The following CDH26 variants were observed in gnomAD, a reference collection of about 807,000 sequenced individuals.
CDH26 encodes the protein cadherin-like protein 26.
A neutral mutation model predicts 90.3 loss-of-function variants in CDH26; 83 were observed. That is an observed-to-expected ratio of 0.92 (90% CI 0.77 to 1.10). CDH26 has a LOEUF of 1.10. Among genes scored for constraint, CDH26 ranks in the 50% least tolerant of loss-of-function variants. The probability of loss-of-function intolerance (pLI) is 0.00; values close to 1 mark genes in which losing one functional copy is unlikely to be tolerated. For missense variants in CDH26, 1,013 were observed against 1,037.6 expected (o/e 0.98, Z 0.33); for synonymous variants, 397 against 396.3 (o/e 1.00, Z -0.02).
At chr20:60,001,663 G>A (rs1347980856) in intron 15 of CDH26, 1 of 952,312 alleles carries the variant, frequency 1.1e-6, no homozygotes, top group African/African-American at 1.8e-5. Context: ...ACTTTTTAGA[G>A]CATCCACAAA....
Position 60,029,508 on chromosome 20 carries a change from T to A in CDH26, c.948-1723T>A, listed in dbSNP as rs187535206. 6.6e-5 allele frequency among the ~76,000 whole-genome samples: 10 copies of A among 152,182 alleles called. No individual in the cohort carries two copies. The East Asian group carries it at 1.9e-3, about 29-fold the overall frequency. ...TTTACTTTAAGTGCTAGGATACATG[T>A]GCAGAAGGTGCAGGTTTGTTACATA... On this transcript the variant is annotated intron_variant, in intron 7 of 8. Coordinates refer to the CDH26 transcript ENST00000370991.
At chr20:59,987,378 C>A in intron 7 of CDH26, 75 bp from the exon 8 acceptor site, 6 of 1,138,040 alleles carry the variant, frequency 5.3e-6, no homozygotes, top group Admixed American at 2.7e-5. Flanking sequence ...TGCTTCTCTC[C>A]CTCCTTCCTC....
At chr20:59,962,414 G>A (rs575452517) in intron 1 of CDH26, among the ~76,000 whole-genome samples, 4 of 152,278 alleles carry the variant, frequency 2.6e-5, no homozygotes, top group African/African-American at 7.2e-5. Flanking sequence ...CCAGCTTCTG[G>A]TGGGTTGCTG....
At chr20:60,006,970 C>T (rs1003024140) in intron 17 of CDH26, among the ~76,000 whole-genome samples, 183 bp downstream of exon 17, 12 of 152,318 alleles carry the variant, frequency 7.9e-5, no homozygotes, top group South Asian at 2.1e-4. Context: ...CATGTTTCTG[C>T]AGGCTAGAAG....
intron 1 of CDH26, among the ~76,000 whole-genome samples, chr20:59,964,019 G>A (rs951328894): frequency 6.6e-6 from 1 of 152,192 alleles, no homozygotes; most frequent in Non-Finnish European, 1.5e-5. Context: ...CCTATGGCTA[G>A]TCATTACTTG....
intron 7 of CDH26, among the ~76,000 whole-genome samples, chr20:60,028,353 A>C (rs1221524941): frequency 6.6e-6 from 1 of 152,260 alleles, no homozygotes; most frequent in African/African-American, 2.4e-5. Flanking sequence ...CGTTTTTAAA[A>C]GCCTGTCTTC....
At chr20:59,994,969 G>A (rs141584607) in intron 11 of CDH26, among the ~76,000 whole-genome samples, 1,742 of 152,278 alleles carry the variant, frequency 0.011, 31 homozygotes, top group African/African-American at 0.038. Flanking sequence ...AGGAAACACT[G>A]GGGCACTGTT....
intron 2 of CDH26, 58 bp downstream of exon 2, chr20:59,969,081 A>G: frequency 9.0e-7 from 1 of 1,116,684 alleles, no homozygotes. Flanking sequence ...CTTGACTTAG[A>G]GACAGAATTG....
intron 16 of CDH26, among the ~76,000 whole-genome samples, chr20:60,006,408 C>A (rs2061751106): frequency 6.6e-6 from 1 of 152,130 alleles, no homozygotes; most frequent in Admixed American, 6.5e-5. Context: ...TGAGGGGGTG[C>A]AAGGCATGAG....
Position 60,012,872 on chromosome 20 carries a change from A to C in CDH26, c.*142A>C. On this transcript the variant is annotated 3_prime_UTR_variant, in exon 18 of 18. Transcript: ENST00000348616. ...AGGATGAGGACACACTATTAGTTTG[A>C]ATTAAATGCTTTGATATTCTCAGAT... The C allele has an allele frequency of 1.4e-6, 1 of 689,988 alleles. No individual in the cohort carries two copies. Among genetic ancestry groups the C allele is most frequent in the Non-Finnish European group, 2.4e-6 (1 of 424,796 alleles). 42.7% of individuals were successfully genotyped at this position (689,988 alleles called of 1,614,324 possible).
At chr20:59,998,615 A>T (rs2061633223) in intron 13 of CDH26, among the ~76,000 whole-genome samples, 1 of 152,168 alleles carries the variant, frequency 6.6e-6, no homozygotes, top group African/African-American at 2.4e-5. Flanking sequence ...TTCACAGCTA[A>T]AGGCACATCT....
chr20:60,021,895 C>CAT (rs1387371250), intron 7 of CDH26, among the ~76,000 whole-genome samples: 62 of 80,868 alleles, frequency 7.7e-4, no homozygotes, highest in African/African-American at 2.1e-3. Context: ...CACACACACA[C>CAT]ACATATATAT....
intron 5 of CDH26, among the ~76,000 whole-genome samples, chr20:59,984,432 G>A (rs2061428108): frequency 2.0e-5 from 3 of 152,116 alleles, no homozygotes; most frequent in Non-Finnish European, 2.9e-5. Context: ...CTTCTGCATT[G>A]GCAGTCATGA....
chr20:59,972,149 G>A, intron 4 of CDH26, 26 bp downstream of exon 4: 2 of 1,604,294 alleles, frequency 1.2e-6, no homozygotes, highest in Non-Finnish European at 1.7e-6. Context: ...TATATTCTAA[G>A]CTCGGATTTA....
chr20:59,963,859 A>T lies in CDH26; in HGVS notation c.69+5064A>T, dbSNP rs532845150. Among the ~76,000 whole-genome samples the T allele has an allele frequency of 3.9e-3, 551 of 142,710 alleles. 4 individuals carry two copies. Among genetic ancestry groups the T allele is most frequent in the Middle Eastern group, 6.9e-3 (2 of 288 alleles). 93.6% of individuals were successfully genotyped at this position (142,710 alleles called of 152,430 possible). On this transcript the variant is annotated intron_variant, in intron 1 of 17. Coordinates refer to ENST00000348616, the MANE Select transcript of CDH26 (RefSeq NM_177980.4). Reference sequence around the variant, plus strand: ...GAGGCTTTCCTCATCATCCAAAAATAAAAAAAAAAAAGAGGCTTTCCTCAC... The same window carrying T: ...GAGGCTTTCCTCATCATCCAAAAATTAAAAAAAAAAAGAGGCTTTCCTCAC...
intron 10 of CDH26, among the ~76,000 whole-genome samples, chr20:59,993,871 C>T (rs928826076): frequency 1.3e-5 from 2 of 152,192 alleles, no homozygotes; most frequent in African/African-American, 4.8e-5. Flanking sequence ...AGTACATCAA[C>T]GCGGAGACGC....
At chr20:59,978,629 C>G (rs1353096013) in intron 4 of CDH26, among the ~76,000 whole-genome samples, 1 of 152,068 alleles carries the variant, frequency 6.6e-6, no homozygotes, top group Non-Finnish European at 1.5e-5. Context: ...CCACCTCGGC[C>G]TCCCAAAGTG....
intron 5 of CDH26, among the ~76,000 whole-genome samples, chr20:59,983,818 G>C (rs1257221621): frequency 6.6e-6 from 1 of 151,976 alleles, no homozygotes; most frequent in African/African-American, 2.4e-5. Flanking sequence ...CTTTTTCACA[G>C]GTGCATATTT....
intron 4 of CDH26, among the ~76,000 whole-genome samples, chr20:59,982,423 G>T (rs1191508750): frequency 6.6e-6 from 1 of 152,214 alleles, no homozygotes; most frequent in Admixed American, 6.5e-5. Flanking sequence ...GACGTGGACT[G>T]ACTTTTCTTA....
Sources: allele counts gnomAD v4.1 joint callset (sites outside exome capture counted in the v4.1 genomes callset), GRCh38; gene constraint gnomAD v4.1.1; transcripts MANE v1.5; gene names NCBI Gene and HGNC (gene_info 2026-07-23, HGNC 2026-07-21).